Variants in NPFFR1 observed in about 807,000 individuals in gnomAD.
The protein encoded by NPFFR1 is neuropeptide FF receptor 1.
NPFFR1 carries 17 observed loss-of-function variants against 12.7 expected under a neutral mutation model. The observed-to-expected ratio is 1.34, with a 90% CI of 0.92 to 2.01. The LOEUF (loss-of-function observed/expected upper bound fraction) is 2.01, where lower values mean the gene tolerates loss of function less well. NPFFR1 is among the 30% of genes most tolerant of loss of function. The pLI, the probability that NPFFR1 is intolerant of heterozygous loss-of-function variation, is 0.00. For synonymous variants in NPFFR1, 296 were observed against 264.5 expected (o/e 1.12, Z -1.16); for missense variants, 604 against 606.5 (o/e 1.00, Z 0.04).
At chr10:70,276,804 C>G (rs1197621724) in intron 1 of NPFFR1, among the ~76,000 whole-genome samples, 1 of 152,018 alleles carries the variant, frequency 6.6e-6, no homozygotes. Context: ...CCAGGCTGGT[C>G]TCAAACTCCT....
At chr10:70,283,531 G>A (rs1445551348) in intron 1 of NPFFR1, 139 bp downstream of exon 1, 2 of 877,354 alleles carry the variant, frequency 2.3e-6, no homozygotes, top group Non-Finnish European at 3.7e-6. Context: ...CTCTGTCTCT[G>A]TCACACACAG....
intron 2 of NPFFR1, among the ~76,000 whole-genome samples, chr10:70,264,248 C>A (rs1362915600): frequency 7.3e-5 from 11 of 151,136 alleles, no homozygotes; most frequent in Non-Finnish European, 1.3e-4. Flanking sequence ...GTGGCAGAAG[C>A]CTGTAATCCT....
intron 3 of NPFFR1, among the ~76,000 whole-genome samples, chr10:70,260,398 CA>C (rs1373605377): frequency 1.3e-5 from 2 of 152,176 alleles, no homozygotes; most frequent in African/African-American, 4.8e-5. Flanking sequence ...GGAATCCCAA[CA>C]AAAGCCAACC....
At position 70,255,912 on chromosome 10, in the gene NPFFR1, C is replaced by T. The variant is rs966786406; in HGVS notation, c.423-85G>A. On this transcript the variant is annotated intron_variant, in intron 3 of 3. Transcript: ENST00000277942. The surrounding 1 kb of genome is among the most constrained non-coding windows in gnomAD (Gnocchi z 4.2). Reference sequence around the variant, plus strand: ...CGGTGGGTGGGATGCGGGCACCTGACCTTCATCATCGCATCTAGGGCGGCG... The same window carrying T: ...CGGTGGGTGGGATGCGGGCACCTGATCTTCATCATCGCATCTAGGGCGGCG... The T allele has an allele frequency of 1.7e-5, 24 of 1,416,892 alleles. No homozygotes were observed. The highest frequency in any genetic ancestry group is 2.1e-5 in the Admixed American group (1 of 47,226). 87.8% of individuals were successfully genotyped at this position (1,416,892 alleles called of 1,614,324 possible). A position where few individuals can be genotyped will look rare whatever the true frequency, so the allele number is the denominator to read the frequency against.
At chr10:70,257,757 A>G (rs1207170179) in intron 3 of NPFFR1, among the ~76,000 whole-genome samples, 2 of 152,202 alleles carry the variant, frequency 1.3e-5, no homozygotes, top group African/African-American at 4.8e-5. Flanking sequence ...ATAAAACCCT[A>G]TTGTACATTT....
intron 2 of NPFFR1, among the ~76,000 whole-genome samples, chr10:70,261,132 C>T (rs747993485): frequency 7.9e-5 from 12 of 152,070 alleles, no homozygotes; most frequent in South Asian, 4.1e-4. Context: ...ATAATCCCCA[C>T]GAGTCATGGG....
Position 70,248,467 on chromosome 10 carries a change from G to GTTTTTTTTTTTTTTTTTTTTTT in NPFFR1, c.*6489_*6490insAAAAAAAAAAAAAAAAAAAAAA, listed in dbSNP as rs71472949. On this transcript the variant is annotated 3_prime_UTR_variant, in exon 4 of 4. Coordinates refer to ENST00000277942, the MANE Select transcript of NPFFR1 (RefSeq NM_022146.5). ...CAAAGTACGTAGTACTATGCCTGGC[G>GTTTTTTTTTTTTTTTTTTTTTT]TTTTTTTTTTGTTTTTTGTTTTTTT... is the stretch of plus-strand genomic sequence containing the variant. 1.0e-4 allele frequency: 10 copies of GTTTTTTTTTTTTTTTTTTTTTT among 96,740 alleles called. 4 individuals are homozygous for GTTTTTTTTTTTTTTTTTTTTTT. Among genetic ancestry groups the GTTTTTTTTTTTTTTTTTTTTTT allele is most frequent in the Non-Finnish European group, 1.2e-4 (6 of 50,588 alleles). 6.0% of individuals were successfully genotyped at this position (96,740 alleles called of 1,614,324 possible). A position where few individuals can be genotyped will look rare whatever the true frequency, so the allele number is the denominator to read the frequency against.
At chr10:70,269,052 T>C (rs1006711537) in intron 1 of NPFFR1, among the ~76,000 whole-genome samples, 7 of 152,196 alleles carry the variant, frequency 4.6e-5, no homozygotes, top group African/African-American at 1.7e-4. Flanking sequence ...GACTGAGTGG[T>C]TGGTCTGTAG....
At chr10:70,270,968 T>C (rs568984951) in intron 1 of NPFFR1, among the ~76,000 whole-genome samples, 10 of 152,288 alleles carry the variant, frequency 6.6e-5, no homozygotes, top group Admixed American at 1.3e-4. Context: ...CTGGAACTCA[T>C]TGGAAACAGA....
intron 2 of NPFFR1, among the ~76,000 whole-genome samples, chr10:70,263,433 C>T (rs569761820): frequency 8.9e-4 from 135 of 152,166 alleles, no homozygotes; most frequent in African/African-American, 2.9e-3. Context: ...CGACCACGCC[C>T]GGCTAATTTT....
intron 1 of NPFFR1, chr10:70,277,889 C>G: frequency 2.0e-6 from 1 of 510,978 alleles, no homozygotes; most frequent in Non-Finnish European, 3.9e-6. Context: ...CATAGCAACT[C>G]TGCAGGGGGC....
intron 1 of NPFFR1, among the ~76,000 whole-genome samples, chr10:70,267,019 G>A (rs541965006): frequency 7.1e-4 from 108 of 152,288 alleles, no homozygotes; most frequent in Middle Eastern, 6.8e-3. Context: ...TTTCTGGCTG[G>A]TTCTCTTAAC....
rs1589907904 is a variant in NPFFR1, at chr10:70,254,225, A to G, written c.*732T>C. 1.3e-5 allele frequency: 2 copies of G among 152,176 alleles called. No homozygotes were observed. Among genetic ancestry groups the G allele is most frequent in the African/African-American group, 4.8e-5 (2 of 41,422 alleles). The allele number at this position is 152,176 out of a possible 1,614,324, so 9.4% of individuals were successfully genotyped here. The stretch of plus-strand genomic sequence containing the variant: ...TCCCTCCTCTGTTCTCTAAGCTCAG[A>G]CCCAGAGGGCAAGACCTAGAGTGCC... On this transcript the variant is annotated 3_prime_UTR_variant, in exon 4 of 4. Coordinates refer to ENST00000277942, the MANE Select transcript of NPFFR1 (RefSeq NM_022146.5).
At position 70,266,227 on chromosome 10, in the gene NPFFR1, T is replaced by G; in HGVS notation, c.172A>C (p.Met58Leu). 1 of 1,613,972 alleles carries G rather than the reference T, an allele frequency of 6.2e-7. No homozygotes were observed. ...VAYALIFLLC[M>L]VGNTLVCFIV... ...AAACAGACCAGGGTGTTGCCCACCA[T>G]GCAGAGCAGGAAGATGAGCGCATAG... Residue 58 changes from methionine to leucine, a missense_variant, in exon 2 of 4, where the codon ATG (methionine) becomes CTG (leucine). Met to Leu is a conservative substitution (Grantham distance 15, BLOSUM62 2). Coordinates refer to ENST00000277942, the MANE Select transcript of NPFFR1 (RefSeq NM_022146.5).
At chr10:70,281,374 T>C (rs1002990516) in intron 1 of NPFFR1, among the ~76,000 whole-genome samples, 5 of 152,152 alleles carry the variant, frequency 3.3e-5, no homozygotes, top group African/African-American at 1.2e-4. Context: ...AACCCCCCAG[T>C]TGCCCACAGC....
chr10:70,278,989 A>G (rs1326211300), intron 1 of NPFFR1, among the ~76,000 whole-genome samples: 1 of 152,234 alleles, frequency 6.6e-6, no homozygotes, highest in African/African-American at 2.4e-5. Flanking sequence ...TTGACAATTT[A>G]TAATTATATA....
chr10:70,255,370 C>T lies in NPFFR1; in HGVS notation c.880G>A (p.Asp294Asn), dbSNP rs1287016298. ...TGCGGCGCGCTGAGCTGCCCGTAGTCGATGAGCAGCAGCAGCGCCCAGAGC... is the reference window on the plus strand; with the variant it reads ...TGCGGCGCGCTGAGCTGCCCGTAGTTGATGAGCAGCAGCAGCGCCCAGAGC... ...LPLWALLLLIDYGQLSAPQLH... is the reference protein window; with the variant it reads ...LPLWALLLLINYGQLSAPQLH... Residue 294 changes from aspartate (D) to asparagine (N), a missense_variant, in exon 4 of 4, where the codon GAC (aspartate) becomes AAC (asparagine). Physicochemically the swap from Asp to Asn is conservative, Grantham distance 23 (BLOSUM62 1). Coordinates refer to ENST00000277942, the MANE Select transcript of NPFFR1 (RefSeq NM_022146.5). The surrounding 1 kb of genome is among the most constrained non-coding windows in gnomAD (Gnocchi z 4.2). 2.6e-6 allele frequency: 4 copies of T among 1,554,274 alleles called. No homozygotes were observed. In the African/African-American group the frequency reaches 4.1e-5, roughly 16 times the overall value.
In NPFFR1 at chr10:70,270,369, C is replaced by A. The variant is rs75146891; in HGVS notation, c.8-3978G>T. Reference sequence around the variant, plus strand: ...CAGCACCTGTTGGGAGACTTGCTTACCCCTGCCGAGCCTCAAAATTAGCTC... The same window carrying A: ...CAGCACCTGTTGGGAGACTTGCTTAACCCTGCCGAGCCTCAAAATTAGCTC... On this transcript the variant is annotated intron_variant, in intron 1 of 3. Coordinates refer to ENST00000277942, the MANE Select transcript of NPFFR1 (RefSeq NM_022146.5). Among the ~76,000 whole-genome samples, 63 of 152,300 alleles carry A rather than the reference C, an allele frequency of 4.1e-4. 3 individuals carry two copies. In the East Asian group the frequency reaches 0.012, roughly 29 times the overall value.
At position 70,255,109 on chromosome 10, in the gene NPFFR1, A is replaced by G; in HGVS notation, c.1141T>C (p.Ser381Pro). 6.7e-7 allele frequency: 1 copy of G among 1,490,502 alleles called. No individual in the cohort carries two copies. Among genetic ancestry groups the G allele is most frequent in the Non-Finnish European group, 8.9e-7 (1 of 1,124,104 alleles). The allele number at this position is 1,490,502 out of a possible 1,614,324, so 92.3% of individuals were successfully genotyped here. ...RVFVVVRPSD[S>P]GLPSESGPSS... ...GGGCCCGACTCAGAGGGCAGCCCGG[A>G]GTCGCTGGGCCGCACCACCACGAAG... The change falls in exon 4 of 4, where the codon TCC becomes CCC. Residue 381 changes from serine (S) to proline (P), a missense_variant. By Grantham distance (74) the Ser-to-Pro change is moderately conservative. Coordinates refer to ENST00000277942, the MANE Select transcript of NPFFR1 (RefSeq NM_022146.5). This position sits in a 1 kb window ranked among gnomAD's most constrained non-coding sequence, Gnocchi z 4.2.
Sources: gnomAD v4.1 joint callset for allele counts (sites outside exome capture counted in the v4.1 genomes callset) on GRCh38, gnomAD v4.1.1 for gene constraint, Gnocchi (gnomAD v3.1) non-coding constraint, MANE v1.5 for transcripts, NCBI Gene and HGNC (gene_info 2026-07-23, HGNC 2026-07-21) for gene names.